C5orf24: variants seen among roughly 807,000 people sequenced by gnomAD.
C5orf24 encodes the protein chromosome 5 open reading frame 24.
A neutral mutation model predicts 9.8 loss-of-function variants in C5orf24; 4 were observed. That is an observed-to-expected ratio of 0.41 (90% CI 0.20 to 0.93). The LOEUF (loss-of-function observed/expected upper bound fraction) is 0.93, where lower values mean the gene tolerates loss of function less well. Ranked by LOEUF, C5orf24 falls within the 40% of genes least tolerant of loss-of-function variation. The pLI is 0.33. For synonymous variants in C5orf24, 73 were observed against 81.3 expected (o/e 0.90, Z 0.55); for missense variants, 170 against 236.9 (o/e 0.72, Z 1.85).
chr5:134,848,629 C>G (rs1419347607), intron 1 of C5orf24, among the ~76,000 whole-genome samples: 11 of 128,570 alleles, frequency 8.6e-5, no homozygotes, highest in African/African-American at 3.3e-4. Context: ...CCATTGCACT[C>G]CAGCCTGGGC....
At chr5:134,847,376 A>C (rs1313052372) in intron 1 of C5orf24, among the ~76,000 whole-genome samples, 1 of 152,062 alleles carries the variant, frequency 6.6e-6, no homozygotes, top group Non-Finnish European at 1.5e-5. Flanking sequence ...GCTCACTGCA[A>C]CCTCTGCCTC....
upstream of C5orf24, among the ~76,000 whole-genome samples, chr5:134,844,095 T>C (rs1479126952): frequency 6.6e-6 from 1 of 152,252 alleles, no homozygotes; most frequent in African/African-American, 2.4e-5. Context: ...AAATTTCTTT[T>C]TCTTAAATGT....
upstream of C5orf24, among the ~76,000 whole-genome samples, chr5:134,843,625 C>T (rs536869478): frequency 6.6e-6 from 1 of 152,270 alleles, no homozygotes; most frequent in African/African-American, 2.4e-5. Context: ...GGCACGATCT[C>T]AACTGACTGC....
chr5:134,834,652 C>T, the C5orf24 span, among the ~76,000 whole-genome samples: 2 of 152,184 alleles, frequency 1.3e-5, no homozygotes, highest in East Asian at 3.8e-4. Context: ...CACAGTGGCT[C>T]ATGCCTGTAA....
Position 134,856,210 on chromosome 5 carries a change from G to A in C5orf24, c.*743G>A, listed in dbSNP as rs748780395. 324 of 993,338 alleles carry A rather than the reference G, an allele frequency of 3.3e-4. No individual in the cohort carries two copies. Among genetic ancestry groups the A allele is most frequent in the Non-Finnish European group, 3.8e-4 (310 of 823,860 alleles). 61.5% of individuals were successfully genotyped at this position (993,338 alleles called of 1,614,324 possible). A position where few individuals can be genotyped will look rare whatever the true frequency, so the allele number is the denominator to read the frequency against. Reference sequence around the variant, plus strand: ...AAATTTAAACTATTTTATAAAAACTGCACATTACATTTTTGGTGAAATATA... The same window carrying A: ...AAATTTAAACTATTTTATAAAAACTACACATTACATTTTTGGTGAAATATA... On this transcript the variant is annotated 3_prime_UTR_variant, in exon 2 of 2. Transcript: ENST00000394976.
chr5:134,858,405 T>C lies in C5orf24; in HGVS notation c.*2938T>C, dbSNP rs190060727. ...TGCATATTTTGTTAACACTGTCTCTTGTTATGATAAACACTGAAATAGCAT... is the reference window on the plus strand; with the variant it reads ...TGCATATTTTGTTAACACTGTCTCTCGTTATGATAAACACTGAAATAGCAT... On this transcript the variant is annotated 3_prime_UTR_variant, in exon 2 of 2. Transcript: ENST00000394976. 6.0e-6 allele frequency: 1 copy of C among 167,046 alleles called. No homozygotes were observed. Among genetic ancestry groups the C allele is most frequent in the Non-Finnish European group, 1.5e-5 (1 of 68,116 alleles). 10.3% of individuals were successfully genotyped at this position (167,046 alleles called of 1,614,324 possible).
intron 1 of C5orf24, among the ~76,000 whole-genome samples, chr5:134,851,378 T>C (rs1052931318): frequency 3.9e-5 from 6 of 152,166 alleles, no homozygotes; most frequent in African/African-American, 1.4e-4. Flanking sequence ...TTAAGTTGGG[T>C]CTGTGTTTTC....
chr5:134,848,716 CTT>C lies in C5orf24; in HGVS notation c.-4+2506_-4+2507del, dbSNP rs1331608925. On this transcript the variant is annotated intron_variant, in intron 1 of 1. Transcript: ENST00000394976. ...GTGCCTCACGCCTGTAATCCCAACA[CTT>C]TGGGAGCTGTGGCAGGCGGATCACC... 2.1e-5 allele frequency among the ~76,000 whole-genome samples: 3 copies of C among 145,386 alleles called. No homozygotes were observed. The Admixed American group carries it at 2.1e-4, about 10-fold the overall frequency.
At chr5:134,854,495 A>G (rs1259582924) in intron 1 of C5orf24, among the ~76,000 whole-genome samples, 2 of 152,276 alleles carry the variant, frequency 1.3e-5, no homozygotes, top group Non-Finnish European at 1.5e-5. Context: ...TTCTAAGAAC[A>G]TCAGGCAAAC....
intron 1 of C5orf24, among the ~76,000 whole-genome samples, chr5:134,853,238 G>GT (rs1283324490): frequency 2.0e-5 from 3 of 151,928 alleles, no homozygotes; most frequent in African/African-American, 7.2e-5. Flanking sequence ...GCACATGCCT[G>GT]TAATCCCAGC....
At chr5:134,846,886 G>C (rs1273584419) in intron 1 of C5orf24, 1 of 152,144 alleles carries the variant, frequency 6.6e-6, no homozygotes, top group Non-Finnish European at 1.5e-5. Context: ...TCTTCATTTA[G>C]AATTATGAAA....
rs192554010 is a variant in C5orf24 at position 134,852,131 on chromosome 5, G to A, written c.-3-2767G>A. On this transcript the variant is annotated intron_variant, in intron 1 of 1. Transcript: ENST00000394976. ...AATTTTTTGTATTTTTAGTAGAGAC[G>A]GTGTTTCACTGTGTTAGCCAGGATG... 1.3e-4 allele frequency among the ~76,000 whole-genome samples: 20 copies of A among 152,254 alleles called. No homozygotes were observed. In the East Asian group the frequency reaches 3.3e-3, roughly 25 times the overall value.
chr5:134,849,994 A>G (rs1756112073), intron 1 of C5orf24, among the ~76,000 whole-genome samples: 1 of 152,006 alleles, frequency 6.6e-6, no homozygotes, highest in South Asian at 2.1e-4. Context: ...TGGAATAAAT[A>G]GCTTTACTCT....
In C5orf24 at chr5:134,857,532, G is replaced by A. The variant is rs1756346912; in HGVS notation, c.*2065G>A. On this transcript the variant is annotated 3_prime_UTR_variant, in exon 2 of 2. Transcript: ENST00000394976. ...GCACAAACCATAGAGAACGATGTTG[G>A]ATGGTTACATAATCAGTTATAACAT... 1.7e-6 allele frequency: 2 copies of A among 1,154,078 alleles called. No individual in the cohort carries two copies. Among genetic ancestry groups the A allele is most frequent in the South Asian group, 3.0e-5 (1 of 33,116 alleles). The allele number at this position is 1,154,078 out of a possible 1,614,324, so 71.5% of individuals were successfully genotyped here.
intron 1 of C5orf24, among the ~76,000 whole-genome samples, chr5:134,847,759 G>T: frequency 6.7e-6 from 1 of 150,028 alleles, no homozygotes. Context: ...GGAGTACAGT[G>T]GCACGAACTC....
At position 134,855,015 on chromosome 5, in the gene C5orf24, C is replaced by G. The variant is rs1379850780; in HGVS notation, c.115C>G (p.Gln39Glu). The change falls in exon 2 of 2, where the codon CAA becomes GAA. Residue 39 changes from glutamine (Q) to glutamate (E), a missense_variant. Coordinates refer to ENST00000394976, the MANE Select transcript of C5orf24 (RefSeq NM_001135586.1). ...ADQFDIYSSQ[Q>E]SKYSHTVNHK... ...TCAGTTTGACATATATTCCTCCCAG[C>G]AAAGCAAATACAGCCACACAGTCAA... 3.1e-6 allele frequency: 5 copies of G among 1,614,062 alleles called. No homozygotes were observed. Among genetic ancestry groups the G allele is most frequent in the Non-Finnish European group, 4.2e-6 (5 of 1,180,032 alleles).
chr5:134,856,623 A>G lies in C5orf24; in HGVS notation c.*1156A>G, dbSNP rs1756318793. 1.4e-6 allele frequency: 1 copy of G among 701,430 alleles called. No individual in the cohort carries two copies. The highest frequency in any genetic ancestry group is 1.8e-6 in the Non-Finnish European group (1 of 557,762). The allele number at this position is 701,430 out of a possible 1,614,324, so 43.5% of individuals were successfully genotyped here. ...GCCACTGCACTCCAGCCTGGGTGAC[A>G]GAGTAAGACTCCGTCTCAAATAAAT... On this transcript the variant is annotated 3_prime_UTR_variant, in exon 2 of 2. Coordinates refer to ENST00000394976, the MANE Select transcript of C5orf24 (RefSeq NM_001135586.1).
Position 134,855,506 on chromosome 5 carries a change from T to C in C5orf24, c.*39T>C. The C allele has an allele frequency of 6.2e-7, 1 of 1,606,462 alleles. No homozygotes were observed. Among genetic ancestry groups the C allele is most frequent in the Non-Finnish European group, 8.5e-7 (1 of 1,178,224 alleles). On this transcript the variant is annotated 3_prime_UTR_variant, in exon 2 of 2. Coordinates refer to ENST00000394976, the MANE Select transcript of C5orf24 (RefSeq NM_001135586.1). ...AGAGGGCCAGGTTTAGAAGGAAGAT[T>C]GTGAATAATCCCAAAGCTTCTTGGT...
chr5:134,850,589 C>T (rs1206906896), intron 1 of C5orf24, among the ~76,000 whole-genome samples: 2 of 151,840 alleles, frequency 1.3e-5, no homozygotes, highest in Non-Finnish European at 2.9e-5. Flanking sequence ...ACTCCTGCCT[C>T]AGCCTCCCGA....
Sources: gnomAD v4.1 joint callset for allele counts (sites outside exome capture counted in the v4.1 genomes callset) on GRCh38, gnomAD v4.1.1 for gene constraint, MANE v1.5 for transcripts, NCBI Gene and HGNC (gene_info 2026-07-23, HGNC 2026-07-21) for gene names.